Variants in MTDH observed in about 807,000 individuals in gnomAD.
The protein encoded by MTDH is metadherin.
MTDH carries 34 observed loss-of-function variants against 72.7 expected under a neutral mutation model. The observed-to-expected ratio is 0.47, with a 90% CI of 0.36 to 0.62. The LOEUF is 0.62. Among genes scored for constraint, MTDH ranks in the 20% least tolerant of loss-of-function variants. MTDH has a pLI of 0.00. For synonymous variants in MTDH, 266 were observed against 268.9 expected, an observed-to-expected ratio of 0.99 and a Z score of 0.10; for missense variants, 677 against 699.4, an observed-to-expected ratio of 0.97 and a Z score of 0.36.
intron 2 of MTDH, among the ~76,000 whole-genome samples, chr8:97,666,127 CAAAAAAAAAA>C (rs1232775004): frequency 1.5e-5 from 1 of 68,236 alleles, no homozygotes; most frequent in Non-Finnish European, 3.2e-5. Context: ...GACTCCGTCT[CAAAAAAAAAA>C]AAAAAAAAAG....
intron 9 of MTDH, among the ~76,000 whole-genome samples, chr8:97,717,541 C>A (rs1223039751): frequency 6.6e-6 from 1 of 152,100 alleles, no homozygotes; most frequent in Non-Finnish European, 1.5e-5. Context: ...AAAGAGCTAG[C>A]CATCCTCCAC....
chr8:97,680,313 C>T (rs896418395), intron 2 of MTDH, among the ~76,000 whole-genome samples: 6 of 152,122 alleles, frequency 3.9e-5, no homozygotes, highest in Non-Finnish European at 8.8e-5. Context: ...CTCAATCGGT[C>T]GGCCCACCTC....
chr8:97,723,312 G>A (rs1049531284), intron 11 of MTDH, among the ~76,000 whole-genome samples: 11 of 151,640 alleles, frequency 7.3e-5, no homozygotes, highest in Admixed American at 3.3e-4. Context: ...GCAGGAGAAT[G>A]GCGTGAACCC....
intron 1 of MTDH, among the ~76,000 whole-genome samples, chr8:97,658,036 A>ATC (rs1475922419): frequency 6.6e-6 from 1 of 152,212 alleles, no homozygotes; most frequent in East Asian, 1.9e-4. Flanking sequence ...ATGAAGGAGA[A>ATC]TCACCTCAGT....
In MTDH at chr8:97,703,158, C is replaced by T. The variant is rs758028755; in HGVS notation, c.1147+3306C>T. 6.6e-5 allele frequency among the ~76,000 whole-genome samples: 10 copies of T among 152,096 alleles called. 1 individual carries two copies. The highest frequency in any genetic ancestry group is 3.9e-4 in the East Asian group (2 of 5,166). ...GGTGCAAGGATTTCTTGAGCCCACG[C>T]GTTCAAGACCAGCCTAGGCAGCATA... On this transcript the variant is annotated intron_variant, in intron 7 of 11. Coordinates refer to ENST00000336273, the MANE Select transcript of MTDH (RefSeq NM_178812.4).
At chr8:97,691,953 C>T (rs1057442447) in intron 6 of MTDH, among the ~76,000 whole-genome samples, 5 of 152,092 alleles carry the variant, frequency 3.3e-5, no homozygotes, top group Middle Eastern at 3.2e-3. Context: ...GATCTCAGCT[C>T]ACTGCAACCT....
intron 2 of MTDH, among the ~76,000 whole-genome samples, chr8:97,684,553 C>G (rs947239038): frequency 1.1e-4 from 16 of 152,180 alleles, no homozygotes; most frequent in African/African-American, 3.9e-4. Context: ...GTGGTTGCTC[C>G]AAAACCCTGT....
At chr8:97,704,227 T>C (rs1814254660) in intron 7 of MTDH, among the ~76,000 whole-genome samples, 1 of 152,230 alleles carries the variant, frequency 6.6e-6, no homozygotes, top group Non-Finnish European at 1.5e-5. Context: ...CTGTATTTAA[T>C]AGTTTGTTAA....
At chr8:97,717,708 A>G (rs1188909795) in intron 9 of MTDH, among the ~76,000 whole-genome samples, 1 of 150,208 alleles carries the variant, frequency 6.7e-6, no homozygotes, top group Non-Finnish European at 1.5e-5. Flanking sequence ...AGTTGAGGAA[A>G]CAGGCTTAGG....
intron 2 of MTDH, among the ~76,000 whole-genome samples, chr8:97,669,193 A>G (rs1812508505): frequency 6.6e-6 from 1 of 152,104 alleles, no homozygotes; most frequent in African/African-American, 2.4e-5. Context: ...CTGTTTCTCA[A>G]GCTGGAGTAC....
At chr8:97,682,402 G>T (rs538325680) in intron 2 of MTDH, among the ~76,000 whole-genome samples, 2 of 138,424 alleles carry the variant, frequency 1.4e-5, no homozygotes, top group Non-Finnish European at 3.0e-5. Flanking sequence ...AGGTTCAAGC[G>T]ATTCTCCTGC....
intron 2 of MTDH, among the ~76,000 whole-genome samples, chr8:97,674,137 A>G (rs1347182232): frequency 6.6e-6 from 1 of 152,148 alleles, no homozygotes; most frequent in African/African-American, 2.4e-5. Flanking sequence ...AGCCTGAACA[A>G]CAGAGACCCT....
intron 2 of MTDH, among the ~76,000 whole-genome samples, chr8:97,672,327 AT>A (rs1401678449): frequency 2.6e-5 from 4 of 151,970 alleles, no homozygotes; most frequent in Non-Finnish European, 4.4e-5. Context: ...TTAAATTCTC[AT>A]TGTAGTCCTT....
chr8:97,663,844 T>G (rs1005965057), intron 2 of MTDH, among the ~76,000 whole-genome samples: 5 of 152,204 alleles, frequency 3.3e-5, no homozygotes, highest in Admixed American at 3.3e-4. Flanking sequence ...GGTGGTAGTA[T>G]TATATCCATC....
intron 8 of MTDH, among the ~76,000 whole-genome samples, chr8:97,710,673 G>C (rs1316466916): frequency 8.4e-6 from 1 of 118,674 alleles, no homozygotes. Context: ...GCAACAGAGT[G>C]AGACTATCTC....
chr8:97,724,818 GAATCAAAAGAAAGTTAATTT>G lies in MTDH; in HGVS notation c.*150_*169del. 1.9e-6 allele frequency: 1 copy of G among 531,532 alleles called. No homozygotes were observed. The highest frequency in any genetic ancestry group is 3.2e-6 in the Non-Finnish European group (1 of 313,198). 32.9% of individuals were successfully genotyped at this position (531,532 alleles called of 1,614,324 possible). On this transcript the variant is annotated 3_prime_UTR_variant, in exon 12 of 12. Coordinates refer to ENST00000336273, the MANE Select transcript of MTDH (RefSeq NM_178812.4). The stretch of plus-strand genomic sequence containing the variant: ...AACTGCGGACACCACCATAAAAATG[GAATCAAAAGAAAGTTAATTT>G]ATGAAATTAAGAGGTCAGCAGAATA...
intron 6 of MTDH, 25 bp downstream of exon 6, chr8:97,691,213 C>A: frequency 1.4e-6 from 2 of 1,477,296 alleles, no homozygotes; most frequent in Non-Finnish European, 1.8e-6. Flanking sequence ...AAAAATTTAA[C>A]TTTATTTAAA....
intron 2 of MTDH, among the ~76,000 whole-genome samples, chr8:97,663,618 G>T (rs1205461699): frequency 6.6e-6 from 1 of 151,886 alleles, no homozygotes; most frequent in Non-Finnish European, 1.5e-5. Flanking sequence ...GCGTGGTAGC[G>T]GGCGCCTGTA....
At chr8:97,656,401 T>C (rs553598950) in intron 1 of MTDH, among the ~76,000 whole-genome samples, 56 of 149,244 alleles carry the variant, frequency 3.8e-4, no homozygotes, top group Non-Finnish European at 7.6e-4. Context: ...GCATCCCAGG[T>C]TCAAGTGCTT....
Sources: gnomAD v4.1 joint callset for allele counts (sites outside exome capture counted in the v4.1 genomes callset) on GRCh38, gnomAD v4.1.1 for gene constraint, MANE v1.5 for transcripts, NCBI Gene and HGNC (gene_info 2026-07-23, HGNC 2026-07-21) for gene names.